NKAIN3: variants seen among roughly 807,000 people sequenced by gnomAD.
NKAIN3 encodes sodium/potassium transporting ATPase interacting 3.
Under a neutral mutation model 30.2 loss-of-function variants are expected in NKAIN3, and 25 were observed. That is an observed-to-expected ratio of 0.83 (90% CI 0.60 to 1.16). The LOEUF (loss-of-function observed/expected upper bound fraction) is 1.16, where lower values mean the gene tolerates loss of function less well. NKAIN3 is among the 50% of genes most tolerant of loss of function. NKAIN3 has a pLI of 0.00. For missense variants in NKAIN3, 225 were observed against 254.1 expected (o/e 0.89, Z 0.78); for synonymous variants, 91 against 89.6 (o/e 1.02, Z -0.09).
At position 62,976,259 on chromosome 8, in the gene NKAIN3, G is replaced by C. The variant is rs1427968647; in HGVS notation, c.*10852G>C. Among the ~76,000 whole-genome samples the C allele has an allele frequency of 1.3e-5, 2 of 152,068 alleles. No homozygotes were observed. Among genetic ancestry groups the C allele is most frequent in the Non-Finnish European group, 2.9e-5 (2 of 68,004 alleles). Reference sequence around the variant, plus strand: ...ATCCTTGTTAATTTTCTATCTCGGTGATCTGTCTAATACACACAATGGAGT... The same window carrying C: ...ATCCTTGTTAATTTTCTATCTCGGTCATCTGTCTAATACACACAATGGAGT... On this transcript the variant is annotated 3_prime_UTR_variant, in exon 7 of 7. Transcript: ENST00000623646.
Position 62,558,054 on chromosome 8 carries a change from G to A in NKAIN3, c.55-21485G>A, listed in dbSNP as rs150782040. On this transcript the variant is annotated intron_variant, in intron 1 of 6. Coordinates refer to ENST00000623646, the MANE Select transcript of NKAIN3 (RefSeq NM_001304533.3). ...TTATAGTTTCAGGTCTTAGATTTAAGTCCTTGACCCATCTTGAGTTGATTT... is the reference window on the plus strand; with the variant it reads ...TTATAGTTTCAGGTCTTAGATTTAAATCCTTGACCCATCTTGAGTTGATTT... Among the ~76,000 whole-genome samples, 837 of 152,180 alleles carry A rather than the reference G, an allele frequency of 5.5e-3. 4 individuals are homozygous for A. Among genetic ancestry groups the A allele is most frequent in the Non-Finnish European group, 8.2e-3 (559 of 67,976 alleles).
At chr8:62,900,191 A>G (rs1422388288) in intron 4 of NKAIN3, among the ~76,000 whole-genome samples, 1 of 152,086 alleles carries the variant, frequency 6.6e-6, no homozygotes, top group East Asian at 1.9e-4. Flanking sequence ...AGATTATTAG[A>G]CACAAGCATC....
At chr8:62,259,266 A>G (rs1812355163) in intron 1 of NKAIN3, among the ~76,000 whole-genome samples, 1 of 152,322 alleles carries the variant, frequency 6.6e-6, no homozygotes, top group Admixed American at 6.5e-5. Context: ...TTCTTATAAT[A>G]CTTTCTATGT....
intron 6 of NKAIN3, among the ~76,000 whole-genome samples, chr8:62,959,600 T>C (rs1362209296): frequency 6.6e-6 from 1 of 152,152 alleles, no homozygotes; most frequent in Non-Finnish European, 1.5e-5. Flanking sequence ...TGATACTGTT[T>C]TCATTTGTCC....
intron 5 of NKAIN3, among the ~76,000 whole-genome samples, chr8:62,928,769 G>A (rs1410837733): frequency 2.6e-5 from 4 of 152,210 alleles, no homozygotes; most frequent in African/African-American, 9.6e-5. Flanking sequence ...AGTATCAAAC[G>A]GGCCTGGGTC....
At chr8:62,956,219 A>G (rs555252859) in intron 6 of NKAIN3, among the ~76,000 whole-genome samples, 1 of 152,310 alleles carries the variant, frequency 6.6e-6, no homozygotes, top group African/African-American at 2.4e-5. Flanking sequence ...ACTACCCAGC[A>G]ACAGCTTGGA....
Position 62,249,086 on chromosome 8 carries a change from A to T in NKAIN3, c.13A>T (p.Thr5Ser). The T allele has an allele frequency of 6.5e-7, 1 of 1,538,570 alleles. No individual in the cohort carries two copies. Residue 5 changes from threonine (T) to serine (S), a missense_variant, in exon 1 of 7, where the codon ACC (threonine) becomes TCC (serine). Thr to Ser is a moderately conservative substitution (Grantham distance 58). Coordinates refer to ENST00000623646, the MANE Select transcript of NKAIN3 (RefSeq NM_001304533.3). MGCCTGRCSLICLCA... is the reference protein window; with the variant it reads MGCCSGRCSLICLCA... ...CGCCGCCGGCACCATGGGCTGCTGC[A>T]CCGGACGCTGCTCGCTCATCTGCCT...
chr8:62,965,181 C>T (rs745859699), intron 6 of NKAIN3, among the ~76,000 whole-genome samples, 173 bp from the exon 7 acceptor site: 1 of 152,118 alleles, frequency 6.6e-6, no homozygotes, highest in Non-Finnish European at 1.5e-5. Flanking sequence ...GATTACCATG[C>T]CCTAATCTGA....
chr8:62,353,862 G>C (rs1816261631), intron 1 of NKAIN3, among the ~76,000 whole-genome samples: 1 of 152,138 alleles, frequency 6.6e-6, no homozygotes, highest in African/African-American at 2.4e-5. Flanking sequence ...TAGATAAATT[G>C]ATTTAAGATT....
chr8:62,767,861 A>ATT (rs1344401913), intron 4 of NKAIN3, among the ~76,000 whole-genome samples: 1 of 152,050 alleles, frequency 6.6e-6, no homozygotes, highest in East Asian at 1.9e-4. Flanking sequence ...GGTACAAAAA[A>ATT]GAAGATAAAA....
At chr8:62,823,826 C>T (rs1355725939) in intron 4 of NKAIN3, among the ~76,000 whole-genome samples, 1 of 152,148 alleles carries the variant, frequency 6.6e-6, no homozygotes, top group Non-Finnish European at 1.5e-5. Flanking sequence ...AAGGTAGTGT[C>T]ATTCCAACCT....
Position 62,980,937 on chromosome 8 carries a change from A to G in NKAIN3, c.*15530A>G, listed in dbSNP as rs1447407827. On this transcript the variant is annotated 3_prime_UTR_variant, in exon 7 of 7. Transcript: ENST00000623646. ...ATTGAATATGGAACTCAAATTATCTAAGGTTTACCCAGAAGTCAAAATCAC... is the reference window on the plus strand; with the variant it reads ...ATTGAATATGGAACTCAAATTATCTGAGGTTTACCCAGAAGTCAAAATCAC... 3 of 152,204 alleles carry G rather than the reference A, an allele frequency of 2.0e-5. No individual in the cohort carries two copies. 9.4% of individuals were successfully genotyped at this position (152,204 alleles called of 1,614,324 possible).
chr8:62,292,022 G>T (rs574826675), intron 1 of NKAIN3, among the ~76,000 whole-genome samples: 1 of 151,856 alleles, frequency 6.6e-6, no homozygotes, highest in African/African-American at 2.4e-5. Context: ...ATCTTTGTTG[G>T]TTTAAAGTCT....
intron 4 of NKAIN3, among the ~76,000 whole-genome samples, chr8:62,879,493 C>T (rs1016991649): frequency 5.3e-5 from 8 of 152,142 alleles, no homozygotes; most frequent in African/African-American, 1.4e-4. Context: ...GTTTCTTTTG[C>T]TGTGCAGAAG....
intron 1 of NKAIN3, among the ~76,000 whole-genome samples, chr8:62,330,482 G>T (rs1422672126): frequency 1.3e-5 from 2 of 151,888 alleles, no homozygotes; most frequent in African/African-American, 4.8e-5. Flanking sequence ...ATTTGAGGCT[G>T]AAATACATAA....
intron 5 of NKAIN3, among the ~76,000 whole-genome samples, chr8:62,949,009 AT>A (rs1296005813): frequency 6.6e-6 from 1 of 152,242 alleles, no homozygotes; most frequent in Non-Finnish European, 1.5e-5. Flanking sequence ...GAAGGGAAAC[AT>A]TAGCACTTAG....
chr8:62,974,943 G>T lies in NKAIN3; in HGVS notation c.*9536G>T, dbSNP rs1399209805. On this transcript the variant is annotated 3_prime_UTR_variant, in exon 7 of 7. Transcript: ENST00000623646. ...TCATGTGGTTTTTGTCATTGGTTCT[G>T]TTTATGTGATGGATTACATTCATTC... 6.6e-6 allele frequency among the ~76,000 whole-genome samples: 1 copy of T among 152,168 alleles called. No individual in the cohort carries two copies. Among genetic ancestry groups the T allele is most frequent in the Non-Finnish European group, 1.5e-5 (1 of 68,030 alleles).
intron 3 of NKAIN3, among the ~76,000 whole-genome samples, chr8:62,675,807 A>G (rs1424675873): frequency 6.6e-6 from 1 of 152,242 alleles, no homozygotes; most frequent in Non-Finnish European, 1.5e-5. Context: ...TCTACCTGCC[A>G]TCATAGATAG....
rs368583899 is a variant in NKAIN3 at position 62,654,826 on chromosome 8, CA to C, written c.273+65038del. On this transcript the variant is annotated intron_variant, in intron 3 of 6. Transcript: ENST00000623646. ...ATGAATTAAAAACAAGGCAAACAAA[CA>C]AAAAAGAGGAACTCATGAGAAACAG... 4.6e-4 allele frequency among the ~76,000 whole-genome samples: 70 copies of C among 151,756 alleles called. No homozygotes were observed. In the East Asian group the frequency reaches 0.012, roughly 26 times the overall value.
Sources: allele counts gnomAD v4.1 joint callset (sites outside exome capture counted in the v4.1 genomes callset), GRCh38; gene constraint gnomAD v4.1.1; transcripts MANE v1.5; gene names NCBI Gene and HGNC (gene_info 2026-07-23, HGNC 2026-07-21).